Variants in KIFAP3 observed in about 807,000 individuals in gnomAD.
KIFAP3 encodes kinesin associated protein 3.
In KIFAP3, 68 loss-of-function variants were observed where a neutral mutation model predicts 106.5. The observed-to-expected ratio is 0.64, with a 90% CI of 0.53 to 0.78. KIFAP3 has a LOEUF of 0.78. KIFAP3 is among the 30% of genes least tolerant of loss of function. The pLI is 0.00. For missense variants in KIFAP3, 780 were observed against 941.8 expected (o/e 0.83, Z 2.25); for synonymous variants, 320 against 311.5 (o/e 1.03, Z -0.29).
intron 10 of KIFAP3, among the ~76,000 whole-genome samples, chr1:170,013,350 T>G (rs1405180469): frequency 6.6e-6 from 1 of 152,068 alleles, no homozygotes; most frequent in Non-Finnish European, 1.5e-5. Flanking sequence ...TTTGGGATTC[T>G]ATGTATATTT....
At chr1:170,062,976 C>T (rs1314108032) in intron 1 of KIFAP3, among the ~76,000 whole-genome samples, 1 of 151,930 alleles carries the variant, frequency 6.6e-6, no homozygotes, top group Non-Finnish European at 1.5e-5. Context: ...GAAATCTAAC[C>T]TTACTCCATC....
At chr1:169,948,457 A>T (rs1454029075) in intron 19 of KIFAP3, among the ~76,000 whole-genome samples, 1 of 152,010 alleles carries the variant, frequency 6.6e-6, no homozygotes, top group East Asian at 1.9e-4. Context: ...TAAATGAAGC[A>T]GTATTTTAGT....
chr1:169,993,378 G>C (rs1414317339), intron 10 of KIFAP3, among the ~76,000 whole-genome samples: 1 of 151,246 alleles, frequency 6.6e-6, no homozygotes, highest in Non-Finnish European at 1.5e-5. Flanking sequence ...CCTAAGTGCT[G>C]GGATTACAGG....
intron 19 of KIFAP3, among the ~76,000 whole-genome samples, chr1:169,932,779 C>A (rs1663567140): frequency 6.7e-6 from 1 of 149,580 alleles, no homozygotes; most frequent in Non-Finnish European, 1.5e-5. Context: ...AGTTTGGGAA[C>A]ATTTTGGAAT....
chr1:169,937,397 G>A (rs767954733), intron 19 of KIFAP3, among the ~76,000 whole-genome samples: 1 of 151,596 alleles, frequency 6.6e-6, no homozygotes, highest in African/African-American at 2.4e-5. Flanking sequence ...GTATCTTTTG[G>A]AAAGAGCAGC....
intron 18 of KIFAP3, among the ~76,000 whole-genome samples, chr1:169,960,434 A>G (rs1665264460): frequency 6.6e-6 from 1 of 152,136 alleles, no homozygotes; most frequent in Admixed American, 6.6e-5. Context: ...AAAACTTACC[A>G]ATCTTTGTGT....
chr1:170,034,541 A>G lies in KIFAP3; in HGVS notation c.618-45T>C, dbSNP rs1450965231. The G allele has an allele frequency of 2.7e-6, 3 of 1,113,186 alleles. No homozygotes were observed. The East Asian group carries it at 8.5e-5, about 32-fold the overall frequency. 69.0% of individuals were successfully genotyped at this position (1,113,186 alleles called of 1,614,324 possible). ...ATATATATTTAAAAGAATACATTTT[A>G]TGGGTACAGGAAATTTGTTTTTGGT... On this transcript the variant is annotated intron_variant, in intron 6 of 19. Transcript: ENST00000361580.
intron 19 of KIFAP3, among the ~76,000 whole-genome samples, chr1:169,948,417 C>G (rs574718270): frequency 6.6e-6 from 1 of 151,696 alleles, no homozygotes; most frequent in African/African-American, 2.4e-5. Flanking sequence ...AAACTATGAT[C>G]ATCTTTGGTA....
In KIFAP3 at chr1:170,026,399, C is replaced by A. The variant is rs551657661; in HGVS notation, c.842-1803G>T. On this transcript the variant is annotated intron_variant, in intron 8 of 19. Transcript: ENST00000361580. The stretch of plus-strand genomic sequence containing the variant: ...AAACAAAGATTTTCACAATAGTGGA[C>A]ACCAGACAATGAAGGACAGTAATCC... Among the ~76,000 whole-genome samples, 5 of 152,262 alleles carry A rather than the reference C, an allele frequency of 3.3e-5. No individual in the cohort carries two copies. The East Asian group carries it at 9.6e-4, about 29-fold the overall frequency.
rs1667028871 is a variant in KIFAP3 at position 169,990,199 on chromosome 1, G to GT, written c.1284+1955dup. ...ACTTTACAGATGTTTAGAGGTGAGT[G>GT]TATTTGAGAAATTCTGGCATTTTTG... On this transcript the variant is annotated intron_variant, in intron 11 of 19. Coordinates refer to ENST00000361580, the MANE Select transcript of KIFAP3 (RefSeq NM_014970.4). 4 of 1,308,136 alleles carry GT rather than the reference G, an allele frequency of 3.1e-6. No individual in the cohort carries two copies. The Admixed American group carries it at 9.8e-5, about 32-fold the overall frequency. 81.0% of individuals were successfully genotyped at this position (1,308,136 alleles called of 1,614,324 possible). A position where few individuals can be genotyped will look rare whatever the true frequency, so the allele number is the denominator to read the frequency against.
chr1:170,079,458 T>TA (rs1671980007), upstream of KIFAP3, among the ~76,000 whole-genome samples: 2 of 152,090 alleles, frequency 1.3e-5, no homozygotes, highest in African/African-American at 4.8e-5. Context: ...AATATAAAGG[T>TA]AAAAAATCAT....
chr1:169,961,293 C>T lies in KIFAP3; in HGVS notation c.1984-58G>A, dbSNP rs16862862. 4.9e-3 allele frequency: 6,749 copies of T among 1,375,032 alleles called. 183 individuals are homozygous for T. The African/African-American group carries it at 0.065, about 13-fold the overall frequency. 85.2% of individuals were successfully genotyped at this position (1,375,032 alleles called of 1,614,324 possible). A position where few individuals can be genotyped will look rare whatever the true frequency, so the allele number is the denominator to read the frequency against. ...TAAGCTAACTCACTTGGCACTCAGACGGCAATATTTTTATCTCTTGAGAAT... is the reference window on the plus strand; with the variant it reads ...TAAGCTAACTCACTTGGCACTCAGATGGCAATATTTTTATCTCTTGAGAAT... On this transcript the variant is annotated intron_variant, in intron 17 of 19. Transcript: ENST00000361580.
At chr1:170,047,534 T>C (rs2102090869) in intron 2 of KIFAP3, among the ~76,000 whole-genome samples, 1 of 150,748 alleles carries the variant, frequency 6.6e-6, no homozygotes, top group Non-Finnish European at 1.5e-5. Flanking sequence ...GGCAGCAGAA[T>C]TGTTTGAACT....
At chr1:170,030,494 G>C (rs1213833582) in intron 8 of KIFAP3, among the ~76,000 whole-genome samples, 3 of 151,796 alleles carry the variant, frequency 2.0e-5, no homozygotes, top group Non-Finnish European at 4.4e-5. Context: ...TAAGAGAAAA[G>C]AAAGCGTATG....
intron 19 of KIFAP3, among the ~76,000 whole-genome samples, chr1:169,948,930 A>G (rs186656033): frequency 6.6e-6 from 1 of 152,182 alleles, no homozygotes; most frequent in East Asian, 1.9e-4. Flanking sequence ...TCAAGGGAAA[A>G]AAACAGTAAA....
intron 10 of KIFAP3, among the ~76,000 whole-genome samples, chr1:170,012,126 A>C (rs1668271820): frequency 2.0e-5 from 3 of 152,168 alleles, no homozygotes; most frequent in African/African-American, 7.2e-5. Flanking sequence ...GTCAGTTTCC[A>C]AGACCACAAG....
chr1:169,965,741 G>A lies in KIFAP3; in HGVS notation c.1984-4506C>T, dbSNP rs188682448. ...AACTTTAGCCTTCTTATCACCCTAC[G>A]AGCTTACATCATTATTCTTATTAAT... On this transcript the variant is annotated intron_variant, in intron 17 of 19. Transcript: ENST00000361580. 5.3e-5 allele frequency among the ~76,000 whole-genome samples: 8 copies of A among 151,854 alleles called. No individual in the cohort carries two copies. In the East Asian group the frequency reaches 1.3e-3, roughly 26 times the overall value.
chr1:169,940,164 A>C (rs1367050919), intron 19 of KIFAP3, among the ~76,000 whole-genome samples: 1 of 152,210 alleles, frequency 6.6e-6, no homozygotes, highest in African/African-American at 2.4e-5. Flanking sequence ...AGGTGGGCAA[A>C]GGTAAGAATA....
intron 15 of KIFAP3, among the ~76,000 whole-genome samples, chr1:169,981,212 A>G (rs1666507364): frequency 6.6e-6 from 1 of 152,220 alleles, no homozygotes; most frequent in Non-Finnish European, 1.5e-5. Flanking sequence ...GCAGTCAACC[A>G]TGGTCAAAAA....
Sources: allele counts gnomAD v4.1 joint callset (sites outside exome capture counted in the v4.1 genomes callset), GRCh38; gene constraint gnomAD v4.1.1; transcripts MANE v1.5; gene names NCBI Gene and HGNC (gene_info 2026-07-23, HGNC 2026-07-21).